Variants in DPP10 observed in about 807,000 individuals in gnomAD.
DPP10 encodes inactive dipeptidyl peptidase 10.
In DPP10, 33 loss-of-function variants were observed where a neutral mutation model predicts 120.9. That is an observed-to-expected ratio of 0.27 (90% confidence interval 0.21 to 0.37). The LOEUF (loss-of-function observed/expected upper bound fraction) is 0.37, where lower values mean the gene tolerates loss of function less well. DPP10 is among the 10% of genes least tolerant of loss of function. DPP10 has a pLI of 1.00. For synonymous variants in DPP10, 337 were observed against 326.1 expected (o/e 1.03, Z -0.36); for missense variants, 816 against 942.8 (o/e 0.87, Z 1.76).
chr2:114,859,103 G>A (rs1317553308), intron 1 of DPP10, among the ~76,000 whole-genome samples: 1 of 151,826 alleles, frequency 6.6e-6, no homozygotes, highest in African/African-American at 2.4e-5. Context: ...AAGGTGGGTG[G>A]ATCACTTGAG....
chr2:115,839,650 G>A (rs1338124654), intron 24 of DPP10, among the ~76,000 whole-genome samples: 2 of 140,996 alleles, frequency 1.4e-5, no homozygotes, highest in Non-Finnish European at 1.5e-5. Context: ...CTCCAGCCTG[G>A]GCAACAGAGC....
rs367996541 is a variant in DPP10, at chr2:114,789,331, A to C, written c.60+346493A>C. Among the ~76,000 whole-genome samples, 43 of 152,350 alleles carry C rather than the reference A, an allele frequency of 2.8e-4. 2 individuals carry two copies. The East Asian group carries it at 7.9e-3, about 28-fold the overall frequency. ...GGAAGAAAGATAAAGAAAAAGAACA[A>C]GAACTATTTCCCGAGCAATATGAGA... is the stretch of plus-strand genomic sequence containing the variant. On this transcript the variant is annotated intron_variant, in intron 1 of 25. Coordinates refer to ENST00000410059, the MANE Select transcript of DPP10 (RefSeq NM_020868.6).
In DPP10 at chr2:115,452,915, C is replaced by G. The variant is rs921030172; in HGVS notation, c.272-46595C>G. Among the ~76,000 whole-genome samples, 3 of 151,888 alleles carry G rather than the reference C, an allele frequency of 2.0e-5. No individual in the cohort carries two copies. The South Asian group carries it at 6.2e-4, about 31-fold the overall frequency. On this transcript the variant is annotated intron_variant, in intron 3 of 25. Coordinates refer to ENST00000410059, the MANE Select transcript of DPP10 (RefSeq NM_020868.6). ...AGGATTTATGGAAATACTTCACTTACATTTCCCTTATGGAGATGACAATAG... is the reference window on the plus strand; with the variant it reads ...AGGATTTATGGAAATACTTCACTTAGATTTCCCTTATGGAGATGACAATAG...
intron 4 of DPP10, among the ~76,000 whole-genome samples, chr2:115,509,431 T>C (rs2077110380): frequency 1.3e-5 from 2 of 152,182 alleles, no homozygotes; most frequent in South Asian, 4.1e-4. Context: ...AGATGGGGAA[T>C]TCTGGGTGAG....
At chr2:115,490,734 A>G (rs766276347) in intron 3 of DPP10, among the ~76,000 whole-genome samples, 7 of 152,220 alleles carry the variant, frequency 4.6e-5, no homozygotes, top group Non-Finnish European at 1.0e-4. Flanking sequence ...ATATTGTAAC[A>G]TTATGAAAGT....
intron 1 of DPP10, among the ~76,000 whole-genome samples, chr2:114,997,772 T>C (rs1157990662): frequency 2.0e-5 from 3 of 152,212 alleles, no homozygotes; most frequent in Non-Finnish European, 2.9e-5. Context: ...AGTGATATAC[T>C]GGCTGAGTGT....
At chr2:115,036,076 T>A (rs146591249) in intron 1 of DPP10, among the ~76,000 whole-genome samples, 115 of 152,282 alleles carry the variant, frequency 7.6e-4, no homozygotes, top group African/African-American at 2.2e-3. Flanking sequence ...TGACCCACAG[T>A]TCTGCATGGC....
intron 1 of DPP10, among the ~76,000 whole-genome samples, chr2:114,457,243 C>A (rs1256233640): frequency 6.6e-6 from 1 of 152,194 alleles, no homozygotes; most frequent in African/African-American, 2.4e-5. Context: ...TTCTCAACCT[C>A]AGTGCTATTG....
chr2:114,935,062 T>C (rs1391022204), intron 1 of DPP10, among the ~76,000 whole-genome samples: 1 of 152,176 alleles, frequency 6.6e-6, no homozygotes, highest in Non-Finnish European at 1.5e-5. Flanking sequence ...ATCTACTCCA[T>C]GTACTTAACT....
chr2:115,793,763 T>C (rs116422043), intron 19 of DPP10, among the ~76,000 whole-genome samples: 12,223 of 152,122 alleles, frequency 0.08, 649 homozygotes, highest in Non-Finnish European at 0.12. Flanking sequence ...TTGTTTATAC[T>C]AAATATTAAT....
intron 1 of DPP10, among the ~76,000 whole-genome samples, chr2:114,462,345 T>C (rs1295378777): frequency 6.6e-6 from 1 of 152,202 alleles, no homozygotes; most frequent in East Asian, 1.9e-4. Flanking sequence ...TTTATTACTT[T>C]TCCCCTAACC....
At chr2:115,492,640 A>T (rs1478803155) in intron 3 of DPP10, among the ~76,000 whole-genome samples, 1 of 152,176 alleles carries the variant, frequency 6.6e-6, no homozygotes, top group Non-Finnish European at 1.5e-5. Context: ...ATTTCCTGAA[A>T]TATTAAAGTC....
chr2:114,599,569 A>T (rs940684295), intron 1 of DPP10, among the ~76,000 whole-genome samples: 1 of 151,004 alleles, frequency 6.6e-6, no homozygotes, highest in South Asian at 2.1e-4. Context: ...CCTTTTTTTC[A>T]TTGCTGGGTT....
intron 1 of DPP10, among the ~76,000 whole-genome samples, chr2:114,887,940 C>T (rs1692206468): frequency 1.3e-5 from 2 of 151,846 alleles, no homozygotes; most frequent in African/African-American, 4.8e-5. Context: ...GAGATCGAGA[C>T]CATCCTGGCT....
intron 1 of DPP10, among the ~76,000 whole-genome samples, chr2:115,230,665 T>G (rs920565960): frequency 4.7e-4 from 71 of 152,188 alleles, no homozygotes; most frequent in African/African-American, 1.7e-3. Context: ...ATGAATTGCT[T>G]TAGAAAATAT....
At chr2:115,300,490 A>G (rs1559386722) in intron 1 of DPP10, among the ~76,000 whole-genome samples, 1 of 152,062 alleles carries the variant, frequency 6.6e-6, no homozygotes, top group Admixed American at 6.6e-5. Flanking sequence ...TTTACCAATG[A>G]TCATCTGGGT....
chr2:115,384,408 GAGAAGAAGAAGA>G (rs143889616), intron 3 of DPP10, among the ~76,000 whole-genome samples: 2 of 148,778 alleles, frequency 1.3e-5, no homozygotes. Flanking sequence ...GAAGGAGAAG[GAGAAGAAGAAGA>G]AGAAGAAGGA....
intron 1 of DPP10, among the ~76,000 whole-genome samples, chr2:114,526,141 T>C (rs1685480449): frequency 6.6e-6 from 1 of 152,198 alleles, no homozygotes; most frequent in African/African-American, 2.4e-5. Context: ...ACAATGCTTA[T>C]TCATCATTTC....
In DPP10 at chr2:115,039,994, G is replaced by A. The variant is rs1015343568; in HGVS notation, c.61-269245G>A. The stretch of plus-strand genomic sequence containing the variant: ...AAAATGTGCACACAAAATTTTCCAG[G>A]TCAAAAACAAACCACTGGGAAGGTC... On this transcript the variant is annotated intron_variant, in intron 1 of 25. Coordinates refer to ENST00000410059, the MANE Select transcript of DPP10 (RefSeq NM_020868.6). Among the ~76,000 whole-genome samples the A allele has an allele frequency of 2.0e-5, 3 of 152,062 alleles. No individual in the cohort carries two copies. The South Asian group carries it at 6.2e-4, about 32-fold the overall frequency.
Sources: gnomAD v4.1 joint callset for allele counts (sites outside exome capture counted in the v4.1 genomes callset) on GRCh38, gnomAD v4.1.1 for gene constraint, MANE v1.5 for transcripts, NCBI Gene and HGNC (gene_info 2026-07-23, HGNC 2026-07-21) for gene names.